Variants in DLGAP2 observed in about 807,000 individuals in gnomAD.
The protein encoded by DLGAP2 is DLG associated protein 2, also known as disks large-associated protein 2.
A neutral mutation model predicts 100.3 loss-of-function variants in DLGAP2; 26 were observed. That is an observed-to-expected ratio of 0.26 (90% CI 0.19 to 0.36). DLGAP2 has a LOEUF of 0.36. Ranked by LOEUF, DLGAP2 falls within the 10% of genes least tolerant of loss-of-function variation. The pLI, the probability that DLGAP2 is intolerant of heterozygous loss-of-function variation, is 1.00. For synonymous variants in DLGAP2, 886 were observed against 630.1 expected (o/e 1.41, Z -6.08); for missense variants, 1,858 against 1,453.2 (o/e 1.28, Z -4.53).
intron 3 of DLGAP2, among the ~76,000 whole-genome samples, chr8:1,281,377 A>G (rs182404200): frequency 2.0e-5 from 3 of 152,074 alleles, no homozygotes; most frequent in African/African-American, 7.2e-5. Flanking sequence ...CATGACCTTG[A>G]TTTGATTCCT....
chr8:989,089 C>T (rs563551447), intron 2 of DLGAP2, among the ~76,000 whole-genome samples: 5 of 152,210 alleles, frequency 3.3e-5, no homozygotes, highest in Non-Finnish European at 5.9e-5. Flanking sequence ...CCCGTCTAGT[C>T]AGCCTCCATT....
At chr8:1,095,069 TC>T (rs1159855815) in intron 2 of DLGAP2, among the ~76,000 whole-genome samples, 1 of 141,174 alleles carries the variant, frequency 7.1e-6, no homozygotes, top group African/African-American at 2.6e-5. Context: ...TGGACCACCT[TC>T]CCAGGGTGGA....
At chr8:1,581,028 C>T (rs912628082) in intron 6 of DLGAP2, among the ~76,000 whole-genome samples, 3 of 151,312 alleles carry the variant, frequency 2.0e-5, no homozygotes, top group African/African-American at 4.9e-5. Flanking sequence ...ACACACACCA[C>T]AGTCAAACTA....
At chr8:1,535,179 G>A (rs544384015) in intron 4 of DLGAP2, among the ~76,000 whole-genome samples, 13 of 152,338 alleles carry the variant, frequency 8.5e-5, no homozygotes, top group African/African-American at 3.1e-4. Context: ...CCCCCCAGGG[G>A]TAGTGGCCGC....
intron 2 of DLGAP2, among the ~76,000 whole-genome samples, chr8:1,086,885 T>G (rs1171226934): frequency 6.6e-6 from 1 of 152,148 alleles, no homozygotes; most frequent in Non-Finnish European, 1.5e-5. Flanking sequence ...ACATTGGACT[T>G]GAACAACAAT....
At chr8:810,785 C>G (rs1318108598) in intron 1 of DLGAP2, among the ~76,000 whole-genome samples, 1 of 152,158 alleles carries the variant, frequency 6.6e-6, no homozygotes, top group Non-Finnish European at 1.5e-5. Flanking sequence ...CCCACTATGC[C>G]AACACATGCC....
At chr8:987,254 G>C (rs533584551) in intron 2 of DLGAP2, among the ~76,000 whole-genome samples, 1 of 152,126 alleles carries the variant, frequency 6.6e-6, no homozygotes, top group Non-Finnish European at 1.5e-5. Context: ...GGGCAGAGAT[G>C]GTCAGTCACC....
At chr8:1,647,631 A>G (rs1313885579) in intron 8 of DLGAP2, among the ~76,000 whole-genome samples, 2 of 151,992 alleles carry the variant, frequency 1.3e-5, no homozygotes, top group African/African-American at 4.8e-5. Flanking sequence ...TGCTAACAAT[A>G]TCAAGATAGC....
At chr8:1,376,723 G>C (rs62484187) in intron 3 of DLGAP2, among the ~76,000 whole-genome samples, 3 of 87,640 alleles carry the variant, frequency 3.4e-5, no homozygotes, top group East Asian at 1.1e-3. Context: ...CTCAACCTGA[G>C]CCCGGTGGGA....
At chr8:1,347,952 C>G (rs1008517666) in intron 3 of DLGAP2, among the ~76,000 whole-genome samples, 11 of 150,404 alleles carry the variant, frequency 7.3e-5, no homozygotes, top group South Asian at 2.1e-4. Flanking sequence ...AGTTCCCATA[C>G]AGAGCTACAT....
chr8:916,142 G>T (rs530104835), intron 2 of DLGAP2, among the ~76,000 whole-genome samples: 1 of 151,604 alleles, frequency 6.6e-6, no homozygotes, highest in African/African-American at 2.4e-5. Flanking sequence ...CACTGTAGAC[G>T]CTCCGCACTC....
intron 3 of DLGAP2, among the ~76,000 whole-genome samples, chr8:1,410,831 C>CT (rs1796709579): frequency 7.5e-6 from 1 of 133,736 alleles, no homozygotes; most frequent in Admixed American, 7.9e-5. Context: ...ACTCTGGAGC[C>CT]ATTTTTTTTT....
chr8:902,484 T>A (rs990942426), intron 1 of DLGAP2, among the ~76,000 whole-genome samples: 3 of 145,848 alleles, frequency 2.1e-5, no homozygotes, highest in Non-Finnish European at 4.5e-5. Context: ...CTAGCGTGAG[T>A]CACAGAGGCG....
At chr8:1,253,756 C>T (rs950218559) in intron 2 of DLGAP2, among the ~76,000 whole-genome samples, 1 of 152,192 alleles carries the variant, frequency 6.6e-6, no homozygotes, top group African/African-American at 2.4e-5. Context: ...TTAAGTGAGA[C>T]TCTGCACTAA....
intron 3 of DLGAP2, among the ~76,000 whole-genome samples, chr8:1,374,990 C>T (rs537517239): frequency 7.3e-5 from 11 of 151,694 alleles, no homozygotes; most frequent in South Asian, 2.1e-4. Flanking sequence ...ACAGCCGGGG[C>T]GCTGTCCTCA....
chr8:1,669,463 A>G (rs565370756), intron 9 of DLGAP2, among the ~76,000 whole-genome samples: 1 of 152,278 alleles, frequency 6.6e-6, no homozygotes, highest in Admixed American at 6.5e-5. Flanking sequence ...GATCTGGCGG[A>G]CGTGGTTGAG....
At chr8:1,205,733 T>C (rs1797975847) in intron 2 of DLGAP2, among the ~76,000 whole-genome samples, 2 of 152,110 alleles carry the variant, frequency 1.3e-5, no homozygotes, top group African/African-American at 4.8e-5. Flanking sequence ...CATTTCCAAA[T>C]GGAGTCCTTG....
chr8:758,873 CA>C (rs1820986607), intron 1 of DLGAP2, among the ~76,000 whole-genome samples: 1 of 152,010 alleles, frequency 6.6e-6, no homozygotes. Context: ...GACTATTTTT[CA>C]AAGAGTTTTA....
At chr8:825,426 C>CG (rs931791177) in intron 1 of DLGAP2, among the ~76,000 whole-genome samples, 31 of 152,180 alleles carry the variant, frequency 2.0e-4, no homozygotes, top group African/African-American at 7.2e-4. Flanking sequence ...GGCCTCTGCC[C>CG]GGAGGCAGCC....
Sources: gnomAD v4.1 joint callset for allele counts (sites outside exome capture counted in the v4.1 genomes callset) on GRCh38, gnomAD v4.1.1 for gene constraint, MANE v1.5 for transcripts, NCBI Gene and HGNC (gene_info 2026-07-23, HGNC 2026-07-21) for gene names.